The following PLG variants were observed in gnomAD, a reference collection of about 807,000 sequenced individuals.
PLG encodes the protein plasmin.
Under a neutral mutation model 104.4 loss-of-function variants are expected in PLG, and 41 were observed. That is an observed-to-expected ratio of 0.39 (90% CI 0.31 to 0.51). PLG has a LOEUF of 0.51. Among genes scored for constraint, PLG ranks in the 20% least tolerant of loss-of-function variants. The pLI is 0.76. For missense variants in PLG, 891 were observed against 1,003.6 expected (o/e 0.89, Z 1.52); for synonymous variants, 337 against 357.1 (o/e 0.94, Z 0.63).
intron 12 of PLG, among the ~76,000 whole-genome samples, chr6:160,733,685 G>A (rs1972748): frequency 2.7e-5 from 4 of 148,752 alleles, no homozygotes; most frequent in African/African-American, 9.9e-5. Context: ...ACTGAAAATA[G>A]AAAAAAAAAT....
At chr6:160,713,193 C>T (rs1379707957) in intron 5 of PLG, 68 bp downstream of exon 5, 2 of 1,207,096 alleles carry the variant, frequency 1.7e-6, no homozygotes, top group African/African-American at 3.0e-5. Flanking sequence ...GTTGTAAAGC[C>T]CCTTCCCACA....
chr6:160,712,478 T>G (rs1777662005), intron 4 of PLG, among the ~76,000 whole-genome samples: 1 of 152,208 alleles, frequency 6.6e-6, no homozygotes, highest in South Asian at 2.1e-4. Flanking sequence ...CAAGTTTTGT[T>G]TTGTTTTGTT....
At chr6:160,718,592 G>T in intron 8 of PLG, 101 bp from the exon 9 acceptor site, 2 of 1,411,566 alleles carry the variant, frequency 1.4e-6, no homozygotes, top group South Asian at 1.2e-5. Context: ...TAAAGGAAAT[G>T]AACTTTAGCA....
rs1210097535 is a variant in PLG, at chr6:160,724,546, T to TA, written c.1256+1980dup. Among the ~76,000 whole-genome samples, 20 of 151,938 alleles carry TA rather than the reference T, an allele frequency of 1.3e-4. No homozygotes were observed. Among genetic ancestry groups the TA allele is most frequent in the Admixed American group, 1.3e-3 (20 of 15,270 alleles). On this transcript the variant is annotated intron_variant, in intron 10 of 18. Transcript: ENST00000308192. The surrounding 1 kb of genome is among the most constrained non-coding windows in gnomAD (Gnocchi z 5.0). Reference sequence around the variant, plus strand: ...AAAGAGATATTGGGACAGAAAAAAATACTTGAAGCAACAAGAAAAATCTTA... The same window carrying TA: ...AAAGAGATATTGGGACAGAAAAAAATAACTTGAAGCAACAAGAAAAATCTTA...
chr6:160,748,169 G>A (rs1245124379), intron 17 of PLG, among the ~76,000 whole-genome samples: 9 of 151,424 alleles, frequency 5.9e-5, no homozygotes, highest in African/African-American at 2.2e-4. Flanking sequence ...GCCGGGTGTG[G>A]TAGCACACCC....
At position 160,719,696 on chromosome 6, in the gene PLG, A is replaced by G. The variant is rs544982049; in HGVS notation, c.1096+858A>G. Reference sequence around the variant, plus strand: ...TAGTATTTTCCACAATGTTTATAATATACATTTTTGACTTTTCACATTCCA... The same window carrying G: ...TAGTATTTTCCACAATGTTTATAATGTACATTTTTGACTTTTCACATTCCA... On this transcript the variant is annotated intron_variant, in intron 9 of 18. Transcript: ENST00000308192. The surrounding 1 kb of genome is among the most constrained non-coding windows in gnomAD (Gnocchi z 4.1). Among the ~76,000 whole-genome samples, 14 of 152,286 alleles carry G rather than the reference A, an allele frequency of 9.2e-5. No homozygotes were observed. The East Asian group carries it at 2.1e-3, about 23-fold the overall frequency.
At position 160,719,616 on chromosome 6, in the gene PLG, A is replaced by G. The variant is rs1355198085; in HGVS notation, c.1096+778A>G. Among the ~76,000 whole-genome samples the G allele has an allele frequency of 6.6e-6, 1 of 152,114 alleles. No homozygotes were observed. Among genetic ancestry groups the G allele is most frequent in the African/African-American group, 2.4e-5 (1 of 41,436 alleles). ...CCTTTTTTCATCTTTTTCTGCCTTC[A>G]TTTAGATTGAGTTTATCTCCACTAC... On this transcript the variant is annotated intron_variant, in intron 9 of 18. Transcript: ENST00000308192. This position sits in a 1 kb window ranked among gnomAD's most constrained non-coding sequence, Gnocchi z 4.1.
chr6:160,711,299 C>A (rs1777636925), intron 4 of PLG, 108 bp downstream of exon 4: 1 of 1,014,868 alleles, frequency 9.9e-7, no homozygotes, highest in Non-Finnish European at 1.5e-6. Context: ...CCATGCTTCT[C>A]AAGTCCCTTA....
chr6:160,733,823 G>A (rs1187952599), intron 12 of PLG, among the ~76,000 whole-genome samples, 172 bp from the exon 13 acceptor site: 9 of 123,076 alleles, frequency 7.3e-5, no homozygotes, highest in Admixed American at 4.0e-4. Context: ...CAGCCTGGGC[G>A]ACAAGAGCAA....
chr6:160,733,036 A>G (rs1348756084), intron 12 of PLG, among the ~76,000 whole-genome samples: 1 of 152,180 alleles, frequency 6.6e-6, no homozygotes, highest in African/African-American at 2.4e-5. Context: ...TTTGGCAACC[A>G]GCCCCATCCT....
rs4252158 is a variant in PLG at position 160,739,608 on chromosome 6, G to C, written c.2018+400G>C. 8.8e-3 allele frequency among the ~76,000 whole-genome samples: 1,343 copies of C among 151,774 alleles called. 19 individuals carry two copies. The highest frequency in any genetic ancestry group is 0.031 in the African/African-American group (1,297 of 41,416). ...TTTCAAAGCACTTTAAAAACCACAAGATCGAGTTGGGTGTCTGGTGTGGGT... is the reference window on the plus strand; with the variant it reads ...TTTCAAAGCACTTTAAAAACCACAACATCGAGTTGGGTGTCTGGTGTGGGT... On this transcript the variant is annotated intron_variant, in intron 16 of 18. Coordinates refer to ENST00000308192, the MANE Select transcript of PLG (RefSeq NM_000301.5). This position sits in a 1 kb window ranked among gnomAD's most constrained non-coding sequence, Gnocchi z 4.4.
Position 160,741,532 on chromosome 6 carries a change from C to G in PLG, c.2125+115C>G. 1.3e-6 allele frequency: 1 copy of G among 769,810 alleles called. No individual in the cohort carries two copies. The highest frequency in any genetic ancestry group is 2.3e-6 in the Non-Finnish European group (1 of 434,378). The allele number at this position is 769,810 out of a possible 1,614,324, so 47.7% of individuals were successfully genotyped here. Reference sequence around the variant, plus strand: ...TTCCTATCCATGAATGTGGTCCACCCCACTCCTGATTTTGCCTGGGCACCT... The same window carrying G: ...TTCCTATCCATGAATGTGGTCCACCGCACTCCTGATTTTGCCTGGGCACCT... On this transcript the variant is annotated intron_variant, in intron 17 of 18. Coordinates refer to ENST00000308192, the MANE Select transcript of PLG (RefSeq NM_000301.5). This position sits in a 1 kb window ranked among gnomAD's most constrained non-coding sequence, Gnocchi z 4.7.
chr6:160,704,789 T>A (rs1161637732), intron 1 of PLG, among the ~76,000 whole-genome samples: 2 of 152,196 alleles, frequency 1.3e-5, no homozygotes, highest in Non-Finnish European at 2.9e-5. Flanking sequence ...GGCCGAGGAC[T>A]TTGCATGAAT....
At chr6:160,711,657 T>G in intron 4 of PLG, 1 of 1,610,862 alleles carries the variant, frequency 6.2e-7, no homozygotes, top group Non-Finnish European at 8.5e-7. Context: ...TTTCTATTTT[T>G]TCTTGGATAT....
Position 160,712,974 on chromosome 6 carries a change from C to T in PLG, c.408-12C>T, listed in dbSNP as rs766041044. 3.1e-6 allele frequency: 5 copies of T among 1,607,268 alleles called. No homozygotes were observed. The highest frequency in any genetic ancestry group is 1.3e-5 in the African/African-American group (1 of 74,744). On this transcript the variant is annotated splice_polypyrimidine_tract_variant and intron_variant, in intron 4 of 18. Transcript: ENST00000308192. ...GAATATAGTCTAAGTGCTTCTTTTC[C>T]ATCCTCCCCAGATTCTCACCTGCTA...
chr6:160,738,439 A>G lies in PLG; in HGVS notation c.1803-99A>G. ...AGTCCTTTCCTTTGGGAATATGAAC[A>G]TGGTCAAAATTAAGTGAACGTGTCT... On this transcript the variant is annotated intron_variant, in intron 14 of 18. Transcript: ENST00000308192. This position sits in a 1 kb window ranked among gnomAD's most constrained non-coding sequence, Gnocchi z 6.8. 2 of 827,510 alleles carry G rather than the reference A, an allele frequency of 2.4e-6. No individual in the cohort carries two copies. Among genetic ancestry groups the G allele is most frequent in the East Asian group, 4.9e-5 (2 of 40,726 alleles). 51.3% of individuals were successfully genotyped at this position (827,510 alleles called of 1,614,324 possible).
Position 160,738,318 on chromosome 6 carries a change from C to A in PLG, c.1803-220C>A. The A allele has an allele frequency of 1.8e-6, 1 of 563,306 alleles. No individual in the cohort carries two copies. Among genetic ancestry groups the A allele is most frequent in the Non-Finnish European group, 3.3e-6 (1 of 305,984 alleles). 34.9% of individuals were successfully genotyped at this position (563,306 alleles called of 1,614,324 possible). Reference sequence around the variant, plus strand: ...TGGACAGGCCATGCCTGTGCCTCCCCCAAGCATCGGAAAAATTGGCATAGA... The same window carrying A: ...TGGACAGGCCATGCCTGTGCCTCCCACAAGCATCGGAAAAATTGGCATAGA... On this transcript the variant is annotated intron_variant, in intron 14 of 18. Coordinates refer to ENST00000308192, the MANE Select transcript of PLG (RefSeq NM_000301.5). The surrounding 1 kb of genome is among the most constrained non-coding windows in gnomAD (Gnocchi z 6.8).
chr6:160,731,709 T>G lies in PLG; in HGVS notation c.1439-36T>G, dbSNP rs1778002036. The G allele has an allele frequency of 6.2e-7, 1 of 1,605,738 alleles. No individual in the cohort carries two copies. Among genetic ancestry groups the G allele is most frequent in the Non-Finnish European group, 8.5e-7 (1 of 1,172,556 alleles). On this transcript the variant is annotated intron_variant, in intron 11 of 18. Coordinates refer to ENST00000308192, the MANE Select transcript of PLG (RefSeq NM_000301.5). This position sits in a 1 kb window ranked among gnomAD's most constrained non-coding sequence, Gnocchi z 5.1. ...GATTCCATATCATCCTGGGTCTCTGTGGCTCTTCATAATCATCCATTTTTT... is the reference window on the plus strand; with the variant it reads ...GATTCCATATCATCCTGGGTCTCTGGGGCTCTTCATAATCATCCATTTTTT...
rs1052988980 is a variant in PLG, at chr6:160,752,770, A to T, written c.2272-130A>T. 2.9e-5 allele frequency: 33 copies of T among 1,143,858 alleles called. No homozygotes were observed. The highest frequency in any genetic ancestry group is 3.9e-5 in the Non-Finnish European group (30 of 764,068). The allele number at this position is 1,143,858 out of a possible 1,614,324, so 70.9% of individuals were successfully genotyped here. A position where few individuals can be genotyped will look rare whatever the true frequency, so the allele number is the denominator to read the frequency against. Reference sequence around the variant, plus strand: ...CTTAAGCACTGCAGATGCTTGAGTAATATGCTCATAAGTTCCTTTCTGATT... The same window carrying T: ...CTTAAGCACTGCAGATGCTTGAGTATTATGCTCATAAGTTCCTTTCTGATT... On this transcript the variant is annotated intron_variant, in intron 18 of 18. Transcript: ENST00000308192. This position sits in a 1 kb window ranked among gnomAD's most constrained non-coding sequence, Gnocchi z 4.7.
Sources: allele counts gnomAD v4.1 joint callset (sites outside exome capture counted in the v4.1 genomes callset), GRCh38; gene constraint gnomAD v4.1.1; non-coding constraint Gnocchi (gnomAD v3.1); transcripts MANE v1.5; gene names NCBI Gene and HGNC (gene_info 2026-07-23, HGNC 2026-07-21).